Variants in CSGALNACT1 observed in about 807,000 individuals in gnomAD.
The protein encoded by CSGALNACT1 is beta4GalNAcT-1.
A neutral mutation model predicts 51.0 loss-of-function variants in CSGALNACT1; 52 were observed. The ratio of observed to expected loss-of-function variants is 1.02; its 90% CI spans 0.82 to 1.29. The LOEUF is 1.29. CSGALNACT1 is among the 50% of genes most tolerant of loss of function. The pLI is 0.00. For missense variants in CSGALNACT1, 935 were observed against 679.2 expected (o/e 1.38, Z -4.19); for synonymous variants, 341 against 254.4 (o/e 1.34, Z -3.24).
chr8:19,686,274 C>T (rs1209289503), upstream of CSGALNACT1, among the ~76,000 whole-genome samples: 4 of 152,182 alleles, frequency 2.6e-5, no homozygotes, highest in East Asian at 7.7e-4. Context: ...CTCTTGATAA[C>T]AACGGATGGA....
At chr8:19,635,168 G>A (rs1373195970) in intron 1 of CSGALNACT1, among the ~76,000 whole-genome samples, 1 of 152,188 alleles carries the variant, frequency 6.6e-6, no homozygotes, top group African/African-American at 2.4e-5. Context: ...AGGGCAGAGG[G>A]GACCAGGAGG....
intron 6 of CSGALNACT1, among the ~76,000 whole-genome samples, chr8:19,431,193 C>A (rs1208748420): frequency 6.6e-6 from 1 of 152,066 alleles, no homozygotes; most frequent in Non-Finnish European, 1.5e-5. Context: ...CTGGCTAGAA[C>A]ACCCAGTACA....
intron 1 of CSGALNACT1, among the ~76,000 whole-genome samples, chr8:19,708,575 T>A (rs1250926347): frequency 2.6e-5 from 4 of 152,112 alleles, no homozygotes; most frequent in Non-Finnish European, 4.4e-5. Context: ...GTTAGGAAGA[T>A]CACATCCTCA....
chr8:19,689,119 C>G (rs1026903879), intron 1 of CSGALNACT1, among the ~76,000 whole-genome samples: 2 of 152,128 alleles, frequency 1.3e-5, no homozygotes, highest in African/African-American at 4.8e-5. Context: ...TCCTATTGCC[C>G]CGTCCTCTGC....
chr8:19,441,340 A>T (rs1206508096), intron 5 of CSGALNACT1, among the ~76,000 whole-genome samples: 2 of 152,242 alleles, frequency 1.3e-5, no homozygotes, highest in Non-Finnish European at 2.9e-5. Context: ...TACAGTCACC[A>T]AAACAGCATG....
At chr8:19,639,738 C>T (rs1383732804) in intron 1 of CSGALNACT1, among the ~76,000 whole-genome samples, 2 of 152,162 alleles carry the variant, frequency 1.3e-5, no homozygotes, top group African/African-American at 4.8e-5. Context: ...CCACAACGTG[C>T]AACTGCTCTG....
intron 1 of CSGALNACT1, among the ~76,000 whole-genome samples, chr8:19,700,412 A>T (rs1564445329): frequency 6.6e-6 from 1 of 152,204 alleles, no homozygotes; most frequent in Non-Finnish European, 1.5e-5. Context: ...CTACAAAATC[A>T]GGCTAATAGC....
chr8:19,531,373 T>C (rs1237918157), intron 3 of CSGALNACT1, among the ~76,000 whole-genome samples: 1 of 152,212 alleles, frequency 6.6e-6, no homozygotes. Flanking sequence ...CCATGAGACA[T>C]ATTCTGGACT....
chr8:19,671,358 C>A (rs2059784241), intron 1 of CSGALNACT1, among the ~76,000 whole-genome samples: 1 of 152,154 alleles, frequency 6.6e-6, no homozygotes, highest in South Asian at 2.1e-4. Flanking sequence ...GTGTACACGA[C>A]AAATTCACAG....
At chr8:19,435,746 A>C (rs1213347129) in intron 6 of CSGALNACT1, among the ~76,000 whole-genome samples, 1 of 152,182 alleles carries the variant, frequency 6.6e-6, no homozygotes, top group Non-Finnish European at 1.5e-5. Context: ...TCTGAGATTA[A>C]CTGAAGCTTG....
chr8:19,687,483 T>TAA (rs1022117929), upstream of CSGALNACT1, among the ~76,000 whole-genome samples: 2 of 151,502 alleles, frequency 1.3e-5, no homozygotes, highest in Non-Finnish European at 2.9e-5. Context: ...TGCAAATTAC[T>TAA]AAAAAAAAAT....
chr8:19,676,979 C>T (rs994836255), intron 1 of CSGALNACT1, among the ~76,000 whole-genome samples: 2 of 151,970 alleles, frequency 1.3e-5, no homozygotes, highest in Non-Finnish European at 2.9e-5. Flanking sequence ...AGACCAGTCT[C>T]GTAGAGGACT....
intron 3 of CSGALNACT1, among the ~76,000 whole-genome samples, chr8:19,551,238 C>T (rs1476124542): frequency 6.6e-6 from 1 of 152,190 alleles, no homozygotes; most frequent in East Asian, 1.9e-4. Flanking sequence ...AGACAGCAGT[C>T]TGAGTAGGAA....
chr8:19,468,050 A>G (rs1038609230), intron 4 of CSGALNACT1, among the ~76,000 whole-genome samples: 11 of 152,202 alleles, frequency 7.2e-5, no homozygotes, highest in African/African-American at 2.7e-4. Context: ...CACATTCTAG[A>G]GAGAAAGACA....
intron 4 of CSGALNACT1, among the ~76,000 whole-genome samples, chr8:19,483,320 G>A (rs756947875): frequency 6.6e-6 from 1 of 152,212 alleles, no homozygotes; most frequent in Non-Finnish European, 1.5e-5. Context: ...AAAGCCCAAA[G>A]GCATGTGAAG....
chr8:19,477,590 T>A (rs11204045), intron 4 of CSGALNACT1, among the ~76,000 whole-genome samples: 118,618 of 152,178 alleles, frequency 0.78, 46,524 homozygotes, highest in East Asian at 0.87. Context: ...AAACTCTAAC[T>A]TATTAGTAAT....
rs535773344 is a variant in CSGALNACT1, at chr8:19,728,403, T to C, written c.-297+29447A>G. ...AAAATATCAAGCATTCTTTGTGCAA[T>C]AGAAATTATTAATGCTACATACAGT... On this transcript the variant is annotated intron_variant, in intron 1 of 1. Transcript: ENST00000517494. Among the ~76,000 whole-genome samples, 9 of 152,252 alleles carry C rather than the reference T, an allele frequency of 5.9e-5. No homozygotes were observed. In the East Asian group the frequency reaches 9.7e-4, roughly 16 times the overall value.
At chr8:19,472,758 A>T (rs1365445407) in intron 4 of CSGALNACT1, among the ~76,000 whole-genome samples, 1 of 152,222 alleles carries the variant, frequency 6.6e-6, no homozygotes, top group African/African-American at 2.4e-5. Flanking sequence ...AAAGCTTATC[A>T]ACTTTCCAAA....
At chr8:19,562,688 A>G (rs1384673080) in intron 3 of CSGALNACT1, among the ~76,000 whole-genome samples, 1 of 152,256 alleles carries the variant, frequency 6.6e-6, no homozygotes, top group Non-Finnish European at 1.5e-5. Context: ...AAAGCTCAAC[A>G]TCACTTATCA....
Sources: gnomAD v4.1 joint callset for allele counts (sites outside exome capture counted in the v4.1 genomes callset) on GRCh38, gnomAD v4.1.1 for gene constraint, MANE v1.5 for transcripts, NCBI Gene and HGNC (gene_info 2026-07-23, HGNC 2026-07-21) for gene names.